Variants in FAT1 observed in about 807,000 individuals in gnomAD.
FAT1 encodes protocadherin Fat 1.
Under a neutral mutation model 329.8 loss-of-function variants are expected in FAT1, and 171 were observed. The observed-to-expected ratio is 0.52, with a 90% CI of 0.46 to 0.59. The LOEUF is 0.59. FAT1 is among the 20% of genes least tolerant of loss of function. The pLI is 0.00. For missense variants in FAT1, 5,672 were observed against 5,774.4 expected (o/e 0.98, Z 0.57); for synonymous variants, 2,233 against 2,228.6 (o/e 1.00, Z -0.06).
rs1738803369 is a variant in FAT1 at position 186,601,291 on chromosome 4, C to T, written c.11618G>A (p.Gly3873Glu). ...TACCTCCAAGATGCTATAGTCAGTT[C>T]CTCGAGCATACATGACAACCGCATG... is the stretch of plus-strand genomic sequence containing the variant. The part of the protein sequence containing the change: ...STHAVVMYAR[G>E]TDYSILEIHH... Residue 3873 changes from glycine to glutamate, a missense_variant, in exon 21 of 27, where the codon GGA becomes GAA. Physicochemically the swap from Gly to Glu is moderately conservative, Grantham distance 98 (BLOSUM62 -2). Coordinates refer to ENST00000441802, the MANE Select transcript of FAT1 (RefSeq NM_005245.4). 1 of 1,604,852 alleles carries T rather than the reference C, an allele frequency of 6.2e-7. No homozygotes were observed.
rs1254259112 is a variant in FAT1 at position 186,596,907 on chromosome 4, C to A, written c.12633G>T (p.Lys4211Asn). 6.2e-7 allele frequency: 1 copy of A among 1,614,044 alleles called. No homozygotes were observed. The highest frequency in any genetic ancestry group is 1.7e-5 in the Admixed American group (1 of 60,030). ...GCTTGTCTTTAGGTTCAGCCTGATG[C>A]TTCTTTTTCCGACTAATCATCTTAC... The part of the protein sequence containing the change: ...LCRKMISRKK[K>N]HQAEPKDKHL... Residue 4211 changes from lysine to asparagine, a missense_variant, in exon 25 of 27, where the codon AAG (lysine) becomes AAT (asparagine). Around this residue, in one of 2 missense-constraint regions of FAT1, gnomAD observed 1,706 missense variants for 1,859.1 expected, o/e 0.92. Coordinates refer to ENST00000441802, the MANE Select transcript of FAT1 (RefSeq NM_005245.4). The surrounding 1 kb of genome is among the most constrained non-coding windows in gnomAD (Gnocchi z 4.7).
chr4:186,643,744 T>C (rs912352979), intron 3 of FAT1, among the ~76,000 whole-genome samples: 9 of 151,844 alleles, frequency 5.9e-5, no homozygotes, highest in African/African-American at 1.7e-4. Context: ...GTGTTCTGTG[T>C]TCACACTCAT....
Position 186,614,263 on chromosome 4 carries a change from G to A in FAT1, c.9157C>T (p.Arg3053Cys), listed in dbSNP as rs367986355. 1.2e-5 allele frequency: 19 copies of A among 1,602,896 alleles called. No individual in the cohort carries two copies. The highest frequency in any genetic ancestry group is 2.3e-5 in the East Asian group (1 of 44,338). The change falls in exon 12 of 27, where the codon CGC (arginine) becomes TGC (cysteine). Residue 3053 changes from arginine (R) to cysteine (C), a missense_variant. By Grantham distance (180) the Arg-to-Cys change is radical. Transcript: ENST00000441802. ...GTGTAAGTAATTTCAGCGTTAGAGC[G>A]GATGTCTGCGTCTGTAGCAGAGATC... ...MQISATDADIRSNAEITYTLL... is the reference protein window; with the variant it reads ...MQISATDADICSNAEITYTLL...
Position 186,621,393 on chromosome 4 carries a change from G to A in FAT1, c.5193C>T (p.Pro1731=), listed in dbSNP as rs2126524826. 1 of 1,613,944 alleles carries A rather than the reference G, an allele frequency of 6.2e-7. No homozygotes were observed. Among genetic ancestry groups the A allele is most frequent in the Non-Finnish European group, 8.5e-7 (1 of 1,179,878 alleles). ...TQKALDFETL[P]IYTLIIQGTN... is the part of the protein sequence containing the mutation. ...TTCCTTGTATTATCAATGTGTAAATGGGCAAAGTTTCAAAGTCCAGGGCTT... is the reference window on the plus strand; with the variant it reads ...TTCCTTGTATTATCAATGTGTAAATAGGCAAAGTTTCAAAGTCCAGGGCTT... The change falls in exon 10 of 27, where the codon CCC becomes CCT. Residue 1731 remains proline (P), a synonymous_variant. Transcript: ENST00000441802.
At chr4:186,606,828 T>C (rs1739167041) in intron 16 of FAT1, among the ~76,000 whole-genome samples, 1 of 152,230 alleles carries the variant, frequency 6.6e-6, no homozygotes, top group South Asian at 2.1e-4. Flanking sequence ...CTCTGTCTTC[T>C]AGAATGAGTT....
Position 186,618,249 on chromosome 4 carries a change from C to A in FAT1, c.8337G>T (p.Leu2779=), listed in dbSNP as rs376525647. Residue 2779 remains leucine, a synonymous_variant, in exon 10 of 27, where the codon CTG becomes CTT. Transcript: ENST00000441802. ...CATGGTCATCTTGAGTGCACCTGGC[C>A]AGTATGGAAAACTGATACCACTTAG... is the stretch of plus-strand genomic sequence containing the variant. ...ETTKWYQFSI[L]ARCTQDDHEM... 2 of 1,614,016 alleles carry A rather than the reference C, an allele frequency of 1.2e-6. No homozygotes were observed. Among genetic ancestry groups the A allele is most frequent in the Non-Finnish European group, 1.7e-6 (2 of 1,179,890 alleles).
At chr4:186,607,822 A>C (rs1739222178) in intron 16 of FAT1, among the ~76,000 whole-genome samples, 1 of 152,060 alleles carries the variant, frequency 6.6e-6, no homozygotes, top group African/African-American at 2.4e-5. Flanking sequence ...GGGTGGGTGG[A>C]TGTTCAGCCT....
rs753173445 is a variant in FAT1 at position 186,620,472 on chromosome 4, G to C, written c.6114C>G (p.Pro2038=). 1.9e-6 allele frequency: 3 copies of C among 1,614,022 alleles called. No individual in the cohort carries two copies. The highest frequency in any genetic ancestry group is 1.7e-6 in the Non-Finnish European group (2 of 1,179,894). Residue 2038 remains proline (P), a synonymous_variant, in exon 10 of 27, where the codon CCC becomes CCG. Coordinates refer to ENST00000441802, the MANE Select transcript of FAT1 (RefSeq NM_005245.4). ...TSGVLSTTGT[P]FDREQQEAFD... ...ACGCCTCCTGCTGCTCACGATCGAA[G>C]GGCGTGCCAGTGGTTGACAGAACTC... is the stretch of plus-strand genomic sequence containing the variant.
intron 2 of FAT1, among the ~76,000 whole-genome samples, chr4:186,703,287 G>T (rs1744412806): frequency 6.6e-6 from 1 of 152,206 alleles, no homozygotes; most frequent in Non-Finnish European, 1.5e-5. Flanking sequence ...TCCGTTTGGT[G>T]ACAGATTTTT....
chr4:186,604,329 C>T (rs1294805657), intron 18 of FAT1, 48 bp downstream of exon 18: 2 of 1,498,340 alleles, frequency 1.3e-6, no homozygotes, highest in East Asian at 2.3e-5. Flanking sequence ...CGCCAAGCAG[C>T]TCTTCTCTAT....
chr4:186,701,976 A>G (rs1463860972), intron 2 of FAT1, among the ~76,000 whole-genome samples: 2 of 151,628 alleles, frequency 1.3e-5, no homozygotes, highest in Non-Finnish European at 2.9e-5. Context: ...CAGGTGACAC[A>G]GGGATGAGGC....
chr4:186,605,141 A>C (rs1739042068), intron 17 of FAT1, among the ~76,000 whole-genome samples: 1 of 146,452 alleles, frequency 6.8e-6, no homozygotes, highest in Non-Finnish European at 1.5e-5. Context: ...GTTTGAAGCC[A>C]GGAGGTGGAG....
At chr4:186,616,839 T>C (rs563224270) in intron 11 of FAT1, among the ~76,000 whole-genome samples, 166 bp downstream of exon 11, 54 of 152,328 alleles carry the variant, frequency 3.5e-4, no homozygotes, top group African/African-American at 1.3e-3. Flanking sequence ...TTCCCGCAAA[T>C]AGTTCTGAAG....
chr4:186,660,678 G>A (rs1742126169), intron 3 of FAT1, among the ~76,000 whole-genome samples: 1 of 152,182 alleles, frequency 6.6e-6, no homozygotes, highest in South Asian at 2.1e-4. Flanking sequence ...GAAGACAACA[G>A]CACAGACATC....
intron 2 of FAT1, among the ~76,000 whole-genome samples, chr4:186,695,840 G>A (rs988778862): frequency 2.0e-5 from 3 of 150,776 alleles, no homozygotes; most frequent in Admixed American, 1.3e-4. Flanking sequence ...CCCCCAGGCT[G>A]AAGGGCAGTG....
Position 186,619,710 on chromosome 4 carries a change from CA to C in FAT1, c.6875del (p.Leu2292ArgfsTer6), listed in dbSNP as rs1301634884. Reference sequence around the variant, plus strand: ...ACGTTCCAATTACAGATGCCTCAGACAGGGTCACCGCATAAGACTGCTGAGC... The same window carrying C: ...ACGTTCCAATTACAGATGCCTCAGACGGGTCACCGCATAAGACTGCTGAGC... ...VFAQQSYAVT[L>X]SEASVIGTSV... On this transcript the variant is annotated frameshift_variant, in exon 10 of 27. Coordinates refer to ENST00000441802, the MANE Select transcript of FAT1 (RefSeq NM_005245.4). LOFTEE classifies it high-confidence loss of function. The C allele has an allele frequency of 6.2e-7, 1 of 1,614,026 alleles. No individual in the cohort carries two copies. Among genetic ancestry groups the C allele is most frequent in the South Asian group, 1.1e-5 (1 of 91,074 alleles).
intron 26 of FAT1, chr4:186,592,875 TA>T: frequency 2.4e-6 from 1 of 410,582 alleles, no homozygotes; most frequent in South Asian, 1.8e-5. Flanking sequence ...AGTGCTTTAA[TA>T]CAACCACATA....
At chr4:186,655,557 C>A (rs1210660995) in intron 3 of FAT1, among the ~76,000 whole-genome samples, 1 of 152,052 alleles carries the variant, frequency 6.6e-6, no homozygotes, top group Non-Finnish European at 1.5e-5. Flanking sequence ...GCCTCAGCCT[C>A]CCAAGTAGCT....
At position 186,708,826 on chromosome 4, in the gene FAT1, G is replaced by C. The variant is rs2126699342; in HGVS notation, c.1002C>G (p.Leu334=). The C allele has an allele frequency of 6.2e-7, 1 of 1,613,994 alleles. No individual in the cohort carries two copies. Among genetic ancestry groups the C allele is most frequent in the Non-Finnish European group, 8.5e-7 (1 of 1,179,884 alleles). ...DWDSHPFGYN[L]TLQAKDKGTP... ...TTCCTTTATCTTTAGCCTGTAGTGT[G>C]AGATTGTAGCCGAAAGGATGACTGT... The change falls in exon 2 of 27, where the codon CTC becomes CTG. Residue 334 remains leucine, a synonymous_variant. Coordinates refer to ENST00000441802, the MANE Select transcript of FAT1 (RefSeq NM_005245.4).
Sources: allele counts gnomAD v4.1 joint callset (sites outside exome capture counted in the v4.1 genomes callset), GRCh38; gene constraint gnomAD v4.1.1; regional missense constraint gnomAD v4.1.1; non-coding constraint Gnocchi (gnomAD v3.1); transcripts MANE v1.5; gene names NCBI Gene and HGNC (gene_info 2026-07-23, HGNC 2026-07-21).